Variants in ADAMTS17 observed in about 807,000 individuals in gnomAD.
ADAMTS17 encodes the protein A disintegrin and metalloproteinase with thrombospondin motifs 17.
In ADAMTS17, 113 loss-of-function variants were observed where a neutral mutation model predicts 141.5. The observed-to-expected ratio is 0.80, with a 90% CI of 0.69 to 0.93. ADAMTS17 has a LOEUF of 0.93. Ranked by LOEUF, ADAMTS17 falls within the 40% of genes least tolerant of loss-of-function variation. The pLI, the probability that ADAMTS17 is intolerant of heterozygous loss-of-function variation, is 0.00. For missense variants in ADAMTS17, 1,659 were observed against 1,517.9 expected, an observed-to-expected ratio of 1.09 and a Z score of -1.54; for synonymous variants, 768 against 630.6, an observed-to-expected ratio of 1.22 and a Z score of -3.27.
At chr15:100,015,181 C>A (rs1005764441) in intron 18 of ADAMTS17, among the ~76,000 whole-genome samples, 29 of 152,180 alleles carry the variant, frequency 1.9e-4, no homozygotes, top group African/African-American at 6.3e-4. Context: ...AGAATAGCTA[C>A]CCCTGCTCAC....
intron 8 of ADAMTS17, among the ~76,000 whole-genome samples, chr15:100,175,025 G>A (rs995645306): frequency 7.9e-5 from 12 of 152,226 alleles, no homozygotes; most frequent in African/African-American, 2.9e-4. Context: ...GGGAAAAGAA[G>A]AAGCACCCAC....
Position 100,188,743 on chromosome 15 carries a change from A to C in ADAMTS17, c.1181+10575T>G, listed in dbSNP as rs538443082. ...GAAACCTGTCTCCAGGTGATAGAGG[A>C]GGCTGAACGGAAACCTAGCGTCAAA... On this transcript the variant is annotated intron_variant, in intron 8 of 21. Transcript: ENST00000268070. 2.6e-5 allele frequency among the ~76,000 whole-genome samples: 4 copies of C among 152,304 alleles called. No homozygotes were observed. The East Asian group carries it at 5.8e-4, about 22-fold the overall frequency.
chr15:100,123,543 C>A (rs1330661393), intron 12 of ADAMTS17, among the ~76,000 whole-genome samples: 2 of 152,194 alleles, frequency 1.3e-5, no homozygotes, highest in Non-Finnish European at 2.9e-5. Flanking sequence ...GAGGACTGAT[C>A]CCTGAGGACC....
intron 7 of ADAMTS17, among the ~76,000 whole-genome samples, chr15:100,226,477 A>G (rs1241270929): frequency 6.6e-6 from 1 of 152,250 alleles, no homozygotes; most frequent in Non-Finnish European, 1.5e-5. Context: ...TACCATCCAC[A>G]TCCAGACCAC....
At chr15:100,046,944 T>C (rs56069714) in intron 18 of ADAMTS17, among the ~76,000 whole-genome samples, 4,255 of 152,236 alleles carry the variant, frequency 0.028, 188 homozygotes, top group African/African-American at 0.092. Flanking sequence ...TGACTGCCGG[T>C]GAGCCAGGCA....
chr15:100,169,811 G>T (rs1455355770), intron 8 of ADAMTS17, among the ~76,000 whole-genome samples: 2 of 152,232 alleles, frequency 1.3e-5, no homozygotes, highest in Non-Finnish European at 2.9e-5. Flanking sequence ...GGACTCGCCT[G>T]CAACACAGCG....
chr15:100,212,381 G>A (rs551046780), intron 7 of ADAMTS17, among the ~76,000 whole-genome samples: 23 of 152,296 alleles, frequency 1.5e-4, no homozygotes, highest in African/African-American at 3.4e-4. Context: ...TGCCAACTAC[G>A]ATTCAAAGTC....
At chr15:100,074,176 G>A (rs1007814126) in intron 15 of ADAMTS17, 11 of 152,970 alleles carry the variant, frequency 7.2e-5, no homozygotes, top group Admixed American at 1.3e-4. Flanking sequence ...CATTTGGGGC[G>A]GTGCGGCCGT....
intron 12 of ADAMTS17, among the ~76,000 whole-genome samples, chr15:100,121,966 A>G (rs1430439172): frequency 6.6e-6 from 1 of 152,144 alleles, no homozygotes; most frequent in African/African-American, 2.4e-5. Context: ...GGCTTCCCAG[A>G]GAGTTCCACC....
intron 7 of ADAMTS17, among the ~76,000 whole-genome samples, chr15:100,243,957 A>G (rs953540263): frequency 6.6e-6 from 1 of 152,250 alleles, no homozygotes; most frequent in African/African-American, 2.4e-5. Flanking sequence ...GATATTAGGT[A>G]AGTGTATCAG....
At chr15:100,078,040 A>G (rs28875178) in intron 15 of ADAMTS17, among the ~76,000 whole-genome samples, 23,636 of 152,076 alleles carry the variant, frequency 0.16, 3,527 homozygotes, top group African/African-American at 0.4. Context: ...ACATTAAAAA[A>G]AGACCTGGAG....
intron 18 of ADAMTS17, among the ~76,000 whole-genome samples, chr15:99,999,339 G>C (rs1342655773): frequency 6.6e-6 from 1 of 152,234 alleles, no homozygotes; most frequent in Non-Finnish European, 1.5e-5. Context: ...AAGTCAAGCA[G>C]CGTGAGCAGA....
chr15:100,318,618 T>C (rs1036349810), intron 3 of ADAMTS17, among the ~76,000 whole-genome samples: 1 of 152,212 alleles, frequency 6.6e-6, no homozygotes, highest in African/African-American at 2.4e-5. Flanking sequence ...GTTTATGAAC[T>C]ATCTAGCTGA....
chr15:100,219,118 C>G (rs1015800595), intron 7 of ADAMTS17, among the ~76,000 whole-genome samples: 4 of 152,142 alleles, frequency 2.6e-5, no homozygotes, highest in African/African-American at 9.7e-5. Context: ...TTGTATGATT[C>G]TGTTTAGATG....
intron 3 of ADAMTS17, among the ~76,000 whole-genome samples, chr15:100,291,195 C>T (rs1444282495): frequency 6.6e-6 from 1 of 152,168 alleles, no homozygotes; most frequent in Admixed American, 6.5e-5. Flanking sequence ...AGGACAGGAA[C>T]AGATACTTTT....
At chr15:100,113,892 G>A (rs1184753903) in intron 13 of ADAMTS17, among the ~76,000 whole-genome samples, 1 of 152,228 alleles carries the variant, frequency 6.6e-6, no homozygotes, top group East Asian at 1.9e-4. Context: ...CCTTTGCCAA[G>A]CTCTCCGACA....
At chr15:100,088,417 G>T (rs910027868) in intron 15 of ADAMTS17, among the ~76,000 whole-genome samples, 1 of 152,144 alleles carries the variant, frequency 6.6e-6, no homozygotes, top group Admixed American at 6.5e-5. Context: ...TACTGCCCAA[G>T]GTAATTTATA....
At chr15:100,207,690 C>T (rs1347979765) in intron 7 of ADAMTS17, among the ~76,000 whole-genome samples, 1 of 152,156 alleles carries the variant, frequency 6.6e-6, no homozygotes, top group African/African-American at 2.4e-5. Flanking sequence ...TCAAATCATA[C>T]AACACCTTAG....
chr15:99,983,665 GC>G (rs1345990182), intron 20 of ADAMTS17, among the ~76,000 whole-genome samples: 1 of 152,168 alleles, frequency 6.6e-6, no homozygotes. Flanking sequence ...AGGCAGGGCT[GC>G]CCCCCACTGT....
Sources: gnomAD v4.1 joint callset for allele counts (sites outside exome capture counted in the v4.1 genomes callset) on GRCh38, gnomAD v4.1.1 for gene constraint, MANE v1.5 for transcripts, NCBI Gene and HGNC (gene_info 2026-07-23, HGNC 2026-07-21) for gene names.